The following GLIPR1 variants were observed in gnomAD, a reference collection of about 807,000 sequenced individuals.
The protein encoded by GLIPR1 is glioma pathogenesis-related protein 1.
A neutral mutation model predicts 30.3 loss-of-function variants in GLIPR1; 38 were observed. The observed-to-expected ratio is 1.26, with a 90% CI of 0.97 to 1.65. GLIPR1 has a LOEUF of 1.65. Ranked by LOEUF, GLIPR1 falls within the 40% of genes most tolerant of loss-of-function variation. The pLI is 0.00. For synonymous variants in GLIPR1, 122 were observed against 110.6 expected (o/e 1.10, Z -0.65); for missense variants, 285 against 326.5 (o/e 0.87, Z 0.98).
At chr12:75,490,550 A>ACCC (rs774411186) in intron 3 of GLIPR1, 32 bp downstream of exon 3, 5 of 67,844 alleles carry the variant, frequency 7.4e-5, no homozygotes, top group Admixed American at 2.6e-4. Flanking sequence ...TTTATAGGAA[A>ACCC]CGCCCCCCCC....
chr12:75,501,834 A>T lies in GLIPR1; in HGVS notation c.*2856A>T. ...TGTTTAGCCTACATTAATAAATAAA[A>T]AATATATCAGTTAAATGTATTTATA... is the stretch of plus-strand genomic sequence containing the variant. On this transcript the variant is annotated 3_prime_UTR_variant, in exon 6 of 6. Coordinates refer to ENST00000266659, the MANE Select transcript of GLIPR1 (RefSeq NM_006851.3). The T allele has an allele frequency of 6.3e-7, 1 of 1,579,468 alleles. No homozygotes were observed. Among genetic ancestry groups the T allele is most frequent in the Non-Finnish European group, 8.6e-7 (1 of 1,158,030 alleles).
chr12:75,499,202 T>TAAGTA lies in GLIPR1; in HGVS notation c.*226_*230dup. The TAAGTA allele has an allele frequency of 2.7e-6, 1 of 367,592 alleles. No individual in the cohort carries two copies. The highest frequency in any genetic ancestry group is 4.8e-6 in the Non-Finnish European group (1 of 206,314). The allele number at this position is 367,592 out of a possible 1,614,324, so 22.8% of individuals were successfully genotyped here. A position where few individuals can be genotyped will look rare whatever the true frequency, so the allele number is the denominator to read the frequency against. The stretch of plus-strand genomic sequence containing the variant: ...CAGGTTGCCACAGGTGGACTTTTAG[T>TAAGTA]AAGTAACCTAACCCATGTTTCAGCT... On this transcript the variant is annotated 3_prime_UTR_variant, in exon 6 of 6. Coordinates refer to ENST00000266659, the MANE Select transcript of GLIPR1 (RefSeq NM_006851.3).
In GLIPR1 at chr12:75,481,808, C is replaced by G. The variant is rs937761950; in HGVS notation, c.175-26C>G. ...CCCAGTTACATTTCAGATGAACCCC[C>G]TATTGTTTAATGTTTATTTTTGCAG... is the stretch of plus-strand genomic sequence containing the variant. On this transcript the variant is annotated intron_variant, in intron 1 of 5. Coordinates refer to ENST00000266659, the MANE Select transcript of GLIPR1 (RefSeq NM_006851.3). 30 of 1,610,716 alleles carry G rather than the reference C, an allele frequency of 1.9e-5. No homozygotes were observed. In the Middle Eastern group the frequency reaches 8.2e-4, roughly 44 times the overall value.
chr12:75,497,183 A>G (rs1004248400), intron 4 of GLIPR1: 1 of 152,198 alleles, frequency 6.6e-6, no homozygotes, highest in African/African-American at 2.4e-5. Flanking sequence ...TTTTCAACGA[A>G]ACAACCCAGT....
chr12:75,481,153 T>C, intron 1 of GLIPR1, 99 bp downstream of exon 1: 1 of 856,774 alleles, frequency 1.2e-6, no homozygotes, highest in East Asian at 2.7e-5. Context: ...ATGATTTTTT[T>C]TTCATTGTGA....
intron 2 of GLIPR1, among the ~76,000 whole-genome samples, chr12:75,488,304 G>A (rs1168406593): frequency 3.3e-5 from 5 of 152,252 alleles, no homozygotes; most frequent in South Asian, 2.1e-4. Flanking sequence ...TTGGGAGGCC[G>A]AGGCAGGCAG....
Position 75,498,866 on chromosome 12 carries a change from G to A in GLIPR1, c.689G>A (p.Arg230His), listed in dbSNP as rs140872473. The change falls in exon 6 of 6, where the codon CGT becomes CAT. Residue 230 changes from arginine to histidine, a missense_variant. By Grantham distance (29) the Arg-to-His change is conservative. Coordinates refer to ENST00000266659, the MANE Select transcript of GLIPR1 (RefSeq NM_006851.3). The stretch of plus-strand genomic sequence containing the variant: ...TATCCAGGCTGGCCCATATATCCAC[G>A]TAACAGATACACTTCTCTCTTTCTC... ...VVYPGWPIYP[R>H]NRYTSLFLIV... The A allele has an allele frequency of 4.8e-5, 78 of 1,610,900 alleles. 1 individual carries two copies. The South Asian group carries it at 6.3e-4, about 13-fold the overall frequency.
At chr12:75,498,777 A>G in intron 5 of GLIPR1, 47 bp from the exon 6 acceptor site, 1 of 1,607,260 alleles carries the variant, frequency 6.2e-7, no homozygotes, top group Non-Finnish European at 8.5e-7. Context: ...CTGTCAGTGC[A>G]TTATGAGGAA....
chr12:75,488,479 A>G lies in GLIPR1; in HGVS notation c.421-1927A>G, dbSNP rs1034710036. 4.6e-5 allele frequency among the ~76,000 whole-genome samples: 7 copies of G among 152,190 alleles called. No homozygotes were observed. The South Asian group carries it at 6.2e-4, about 14-fold the overall frequency. ...TTGAACCTGGGAGGCGGAGGTTGCA[A>G]TAAGCCGAGATTGCACCATTGCACT... On this transcript the variant is annotated intron_variant, in intron 2 of 5. Transcript: ENST00000266659.
Position 75,501,749 on chromosome 12 carries a change from T to C in GLIPR1, c.*2771T>C. The C allele has an allele frequency of 6.2e-7, 1 of 1,610,606 alleles. No individual in the cohort carries two copies. Among genetic ancestry groups the C allele is most frequent in the Non-Finnish European group, 8.5e-7 (1 of 1,177,872 alleles). On this transcript the variant is annotated 3_prime_UTR_variant, in exon 6 of 6. Transcript: ENST00000266659. ...TTCCTTAGGTTTCACAATTGGTTTT[T>C]CCTTAGGTGGAATAAATGCTTTGTT...
At chr12:75,498,605 C>A in intron 4 of GLIPR1, 89 bp from the exon 5 acceptor site, 2 of 1,038,378 alleles carry the variant, frequency 1.9e-6, no homozygotes, top group South Asian at 2.7e-5. Context: ...AGTTAATGGT[C>A]ATAATTATAA....
chr12:75,498,553 G>C (rs1034823150), intron 4 of GLIPR1, 141 bp from the exon 5 acceptor site: 3 of 636,650 alleles, frequency 4.7e-6, no homozygotes, highest in Non-Finnish European at 8.2e-6. Flanking sequence ...AAAAAGTTTT[G>C]AATAATTAAA....
intron 2 of GLIPR1, among the ~76,000 whole-genome samples, chr12:75,489,252 T>C (rs925923323): frequency 6.6e-6 from 1 of 152,184 alleles, no homozygotes; most frequent in African/African-American, 2.4e-5. Context: ...CTCTTTTGAG[T>C]GCTGGATCCC....
In GLIPR1 at chr12:75,498,838, G is replaced by A; in HGVS notation, c.661G>A (p.Val221Ile). ...TTGTTTCACAGGTTACTACTCTGTT[G>A]TATATCCAGGCTGGCCCATATATCC... ...RDQVKRYYSV[V>I]YPGWPIYPRN... Residue 221 changes from valine (V) to isoleucine (I), a missense_variant, in exon 6 of 6, where the codon GTA (valine) becomes ATA (isoleucine). Transcript: ENST00000266659. 1 of 1,612,540 alleles carries A rather than the reference G, an allele frequency of 6.2e-7. No individual in the cohort carries two copies. Among genetic ancestry groups the A allele is most frequent in the Non-Finnish European group, 8.5e-7 (1 of 1,178,972 alleles).
At chr12:75,497,319 G>A (rs1566100699) in intron 4 of GLIPR1, 1 of 152,010 alleles carries the variant, frequency 6.6e-6, no homozygotes, top group Non-Finnish European at 1.5e-5. Context: ...TTTAATCTTG[G>A]GGAATAACAT....
chr12:75,499,566 G>A lies in GLIPR1; in HGVS notation c.*588G>A, dbSNP rs2046375758. ...TACTAACCAATAGCATCAGACACTG[G>A]ATTTAATGGATAATCACAATGGTCG... On this transcript the variant is annotated 3_prime_UTR_variant, in exon 6 of 6. Coordinates refer to ENST00000266659, the MANE Select transcript of GLIPR1 (RefSeq NM_006851.3). The A allele has an allele frequency of 4.2e-6, 1 of 239,900 alleles. No individual in the cohort carries two copies. The allele number at this position is 239,900 out of a possible 1,614,324, so 14.9% of individuals were successfully genotyped here. A position where few individuals can be genotyped will look rare whatever the true frequency, so the allele number is the denominator to read the frequency against.
chr12:75,498,870 C>CAGAT lies in GLIPR1; in HGVS notation c.695_698dup (p.Tyr233Ter), dbSNP rs1471734674. 7 of 1,610,972 alleles carry CAGAT rather than the reference C, an allele frequency of 4.3e-6. No individual in the cohort carries two copies. The African/African-American group carries it at 9.4e-5, about 22-fold the overall frequency. ...CAGGCTGGCCCATATATCCACGTAA[C>CAGAT]AGATACACTTCTCTCTTTCTCATTG... On this transcript the variant is annotated frameshift_variant, in exon 6 of 6. Coordinates refer to ENST00000266659, the MANE Select transcript of GLIPR1 (RefSeq NM_006851.3). LOFTEE classifies it low-confidence loss of function (END_TRUNC).
At chr12:75,489,273 GCA>G (rs1373238938) in intron 2 of GLIPR1, among the ~76,000 whole-genome samples, 1 of 152,152 alleles carries the variant, frequency 6.6e-6, no homozygotes, top group Non-Finnish European at 1.5e-5. Context: ...ATGTAACAGC[GCA>G]GGTCTCTCTG....
In GLIPR1 at chr12:75,500,300, C is replaced by T. The variant is rs2046383045; in HGVS notation, c.*1322C>T. The T allele has an allele frequency of 6.4e-6, 1 of 156,026 alleles. No individual in the cohort carries two copies. Among genetic ancestry groups the T allele is most frequent in the Non-Finnish European group, 1.4e-5 (1 of 70,870 alleles). The allele number at this position is 156,026 out of a possible 1,614,324, so 9.7% of individuals were successfully genotyped here. The stretch of plus-strand genomic sequence containing the variant: ...TAAATTATTTTACCTACATTCTTTT[C>T]CATATTTTGGAACTTCTGAGTCATT... On this transcript the variant is annotated 3_prime_UTR_variant, in exon 6 of 6. Transcript: ENST00000266659.
Sources: gnomAD v4.1 joint callset for allele counts (sites outside exome capture counted in the v4.1 genomes callset) on GRCh38, gnomAD v4.1.1 for gene constraint, MANE v1.5 for transcripts, NCBI Gene and HGNC (gene_info 2026-07-23, HGNC 2026-07-21) for gene names.